RBM6: variants seen among roughly 807,000 people sequenced by gnomAD.
RBM6 encodes RNA-binding protein 6.
In RBM6, 23 loss-of-function variants were observed where a neutral mutation model predicts 140.4. The observed-to-expected ratio is 0.16, with a 90% confidence interval of 0.12 to 0.23. The LOEUF (loss-of-function observed/expected upper bound fraction) is 0.23, where lower values mean the gene tolerates loss of function less well. Ranked by LOEUF, RBM6 falls within the 10% of genes least tolerant of loss-of-function variation. The probability of loss-of-function intolerance (pLI) is 1.00; values close to 1 mark genes in which losing one functional copy is unlikely to be tolerated. For missense variants in RBM6, 1,139 were observed against 1,386.7 expected, an observed-to-expected ratio of 0.82 and a Z score of 2.84; for synonymous variants, 439 against 475.6, an observed-to-expected ratio of 0.92 and a Z score of 1.00.
At chr3:50,003,308 T>TAAAAAA (rs61492386) in intron 6 of RBM6, among the ~76,000 whole-genome samples, 1 of 112,786 alleles carries the variant, frequency 8.9e-6, no homozygotes. Flanking sequence ...TGTCTAAATT[T>TAAAAAA]AAAAAAAAAA....
chr3:50,058,659 A>G (rs1240495460), intron 10 of RBM6, 97 bp downstream of exon 10: 20 of 1,329,104 alleles, frequency 1.5e-5, no homozygotes, highest in Non-Finnish European at 2.0e-5. Context: ...TTACGCCTGT[A>G]ATCCCAGCAC....
intron 1 of RBM6, among the ~76,000 whole-genome samples, chr3:49,945,600 G>T (rs2083452567): frequency 6.6e-6 from 1 of 151,950 alleles, no homozygotes; most frequent in Admixed American, 6.6e-5. Flanking sequence ...TATCATAAGG[G>T]GCTGGGCGCG....
chr3:50,073,743 C>T (rs59822920), intron 19 of RBM6, among the ~76,000 whole-genome samples: 3,195 of 152,216 alleles, frequency 0.021, 139 homozygotes, highest in African/African-American at 0.074. Flanking sequence ...TATACCTTGC[C>T]TACAGGGAGG....
intron 5 of RBM6, among the ~76,000 whole-genome samples, chr3:49,984,611 A>ATCG (rs1559552690): frequency 0.015 from 1,332 of 85,998 alleles, 19 homozygotes; most frequent in Middle Eastern, 0.033. Context: ...ACATCACATC[A>ATCG]CATCGCATCG....
intron 6 of RBM6, among the ~76,000 whole-genome samples, chr3:50,004,474 A>AT (rs1182296633): frequency 0.14 from 14,865 of 103,304 alleles, 1,741 homozygotes; most frequent in African/African-American, 0.32. Context: ...ACAGCTGGCT[A>AT]TTTTTTTTTT....
At chr3:50,005,060 G>T (rs1024341521) in intron 6 of RBM6, among the ~76,000 whole-genome samples, 3 of 152,218 alleles carry the variant, frequency 2.0e-5, no homozygotes, top group Admixed American at 6.5e-5. Context: ...TGTGGAATAC[G>T]TGAAGTTTTA....
intron 6 of RBM6, among the ~76,000 whole-genome samples, chr3:50,043,696 G>C (rs1234548875): frequency 4.0e-5 from 6 of 150,210 alleles, no homozygotes; most frequent in African/African-American, 9.8e-5. Context: ...CGGTTCTCCT[G>C]CCTCAGCCTC....
At chr3:49,999,969 G>A (rs768171612) in intron 6 of RBM6, among the ~76,000 whole-genome samples, 3 of 152,168 alleles carry the variant, frequency 2.0e-5, no homozygotes, top group Non-Finnish European at 4.4e-5. Flanking sequence ...CTGCCTGCAG[G>A]GGCTACTTCC....
At chr3:49,955,082 T>A (rs1184492408) in intron 1 of RBM6, among the ~76,000 whole-genome samples, 1 of 151,462 alleles carries the variant, frequency 6.6e-6, no homozygotes, top group Non-Finnish European at 1.5e-5. Context: ...TAAAACTTAA[T>A]ACATAATAGC....
At chr3:50,014,155 T>C (rs1273814336) in intron 6 of RBM6, among the ~76,000 whole-genome samples, 1 of 152,190 alleles carries the variant, frequency 6.6e-6, no homozygotes, top group African/African-American at 2.4e-5. Context: ...TTCCTTGCCT[T>C]ATTCCTGGTC....
In RBM6 at chr3:50,016,504, GTT is replaced by G. The variant is rs34433151; in HGVS notation, c.1557+17003_1557+17004del. On this transcript the variant is annotated intron_variant, in intron 6 of 20. Coordinates refer to ENST00000266022, the MANE Select transcript of RBM6 (RefSeq NM_005777.3). ...AGATCATATGGTGATTCTCGTTTTA[GTT>G]TTTTTTTTTTTAAGAACCTCCATAC... Among the ~76,000 whole-genome samples the G allele has an allele frequency of 4.1e-4, 60 of 147,968 alleles. 1 individual carries two copies. The highest frequency in any genetic ancestry group is 3.5e-3 in the Middle Eastern group (1 of 288).
chr3:49,958,148 G>A (rs903889711), intron 1 of RBM6, among the ~76,000 whole-genome samples: 2 of 152,198 alleles, frequency 1.3e-5, no homozygotes, highest in African/African-American at 4.8e-5. Context: ...ATTCTGGGCC[G>A]GGCGCAGTGG....
At chr3:49,962,283 CA>C (rs1455215934) in intron 1 of RBM6, among the ~76,000 whole-genome samples, 22 of 147,942 alleles carry the variant, frequency 1.5e-4, no homozygotes, top group Non-Finnish European at 3.0e-4. Context: ...ACTAAAAATA[CA>C]AAAAATTAGC....
In RBM6 at chr3:50,048,038, T is replaced by C. The variant is rs148636750; in HGVS notation, c.1558-207T>C. ...AAGGCCGAAGACTGATTTCACCTTC[T>C]CGTACTCCCCTTTCCTAAGCTAAAG... On this transcript the variant is annotated intron_variant, in intron 6 of 20. Coordinates refer to ENST00000266022, the MANE Select transcript of RBM6 (RefSeq NM_005777.3). 4.0e-4 allele frequency among the ~76,000 whole-genome samples: 61 copies of C among 152,290 alleles called. No individual in the cohort carries two copies. In the East Asian group the frequency reaches 0.011, roughly 27 times the overall value.
chr3:49,976,268 T>G (rs2085058430), intron 5 of RBM6, among the ~76,000 whole-genome samples: 1 of 152,166 alleles, frequency 6.6e-6, no homozygotes, highest in South Asian at 2.1e-4. Context: ...TATCATGGGA[T>G]AAAAATTTTG....
intron 6 of RBM6, among the ~76,000 whole-genome samples, chr3:50,026,901 CAAAAAAAAAAAA>C (rs139771207): frequency 3.1e-4 from 37 of 119,510 alleles, no homozygotes; most frequent in Admixed American, 8.7e-4. Flanking sequence ...CTTGTCTCAC[CAAAAAAAAAAAA>C]AAAAAAAAAA....
intron 14 of RBM6, 99 bp downstream of exon 14, chr3:50,061,646 CCTGGATTCT>C: frequency 6.7e-7 from 1 of 1,491,254 alleles, no homozygotes; most frequent in Non-Finnish European, 8.8e-7. Context: ...GATTTTATTC[CCTGGATTCT>C]CTGGATGCTC....
chr3:50,020,523 C>G (rs1436150709), intron 6 of RBM6, among the ~76,000 whole-genome samples: 1 of 152,166 alleles, frequency 6.6e-6, no homozygotes, highest in Non-Finnish European at 1.5e-5. Context: ...CCTCTCAGCA[C>G]TGCTTTTTGT....
At chr3:50,058,730 C>T (rs568743227) in intron 10 of RBM6, 168 bp downstream of exon 10, 32 of 565,556 alleles carry the variant, frequency 5.7e-5, no homozygotes, top group African/African-American at 2.2e-4. Flanking sequence ...CTGGCTAACA[C>T]GGTGAAACCC....
Sources: allele counts gnomAD v4.1 joint callset (sites outside exome capture counted in the v4.1 genomes callset), GRCh38; gene constraint gnomAD v4.1.1; transcripts MANE v1.5; gene names NCBI Gene and HGNC (gene_info 2026-07-23, HGNC 2026-07-21).